The following TTC12 variants were observed in gnomAD, a reference collection of about 807,000 sequenced individuals.
The protein encoded by TTC12 is tetratricopeptide repeat protein 12.
A neutral mutation model predicts 90.1 loss-of-function variants in TTC12; 70 were observed. That is an observed-to-expected ratio of 0.78 (90% CI 0.64 to 0.95). The LOEUF (loss-of-function observed/expected upper bound fraction) is 0.95. Among genes scored for constraint, TTC12 ranks in the 40% least tolerant of loss-of-function variants. The pLI, the probability that TTC12 is intolerant of heterozygous loss-of-function variation, is 0.00. For missense variants in TTC12, 819 were observed against 846.1 expected, an observed-to-expected ratio of 0.97 and a Z score of 0.40; for synonymous variants, 296 against 311.5, an observed-to-expected ratio of 0.95 and a Z score of 0.53.
At position 113,339,292 on chromosome 11, in the gene TTC12, T is replaced by C. The variant is rs1555145163; in HGVS notation, c.644T>C (p.Leu215Pro). ...TCCTTTCTTGTTTTTCTAGGTTACCTGAATCAAGTAGATCTTCAGGAAAAA... is the reference window on the plus strand; with the variant it reads ...TCCTTTCTTGTTTTTCTAGGTTACCCGAATCAAGTAGATCTTCAGGAAAAA... ...PKLQTQVKGY[L>P]NQVDLQEKAD... is the part of the protein sequence containing the mutation. Residue 215 changes from leucine to proline, a missense_variant, in exon 10 of 22, where the codon CTG becomes CCG. Leu to Pro is a moderately conservative substitution (Grantham distance 98). Transcript: ENST00000529221. 1.9e-6 allele frequency: 3 copies of C among 1,601,520 alleles called. No individual in the cohort carries two copies. The South Asian group carries it at 3.3e-5, about 18-fold the overall frequency.
In TTC12 at chr11:113,325,596, G is replaced by T. The variant is rs376290021; in HGVS notation, c.395G>T (p.Gly132Val). 1 of 1,614,006 alleles carries T rather than the reference G, an allele frequency of 6.2e-7. No individual in the cohort carries two copies. Among genetic ancestry groups the T allele is most frequent in the Non-Finnish European group, 8.5e-7 (1 of 1,179,874 alleles). Reference sequence around the variant, plus strand: ...ACAGCTATCCTGCGCTACAGTGAGGGTTTGGAGAAGCTGAAGGACATGAAA... The same window carrying T: ...ACAGCTATCCTGCGCTACAGTGAGGTTTTGGAGAAGCTGAAGGACATGAAA... ...YETAILRYSE[G>V]LEKLKDMKVL... Residue 132 changes from glycine (G) to valine (V), a missense_variant, in exon 6 of 22, where the codon GGT becomes GTT. Coordinates refer to ENST00000529221, the MANE Select transcript of TTC12 (RefSeq NM_017868.4).
chr11:113,359,438 C>G lies in TTC12; in HGVS notation c.1522C>G (p.Leu508Val), dbSNP rs1413166533. 6.2e-7 allele frequency: 1 copy of G among 1,612,928 alleles called. No homozygotes were observed. The highest frequency in any genetic ancestry group is 8.5e-7 in the Non-Finnish European group (1 of 1,179,068). ...CCTGGGACTCATGATGAACCTGTGT[C>G]TTCAGGCTCCCTTTGTCTCTGAGGT... ...TLLGLMMNLCLQAPFVSEVWA... is the reference protein window; with the variant it reads ...TLLGLMMNLCVQAPFVSEVWA... Residue 508 changes from leucine (L) to valine (V), a missense_variant, in exon 17 of 22, where the codon CTT (leucine) becomes GTT (valine). Coordinates refer to ENST00000529221, the MANE Select transcript of TTC12 (RefSeq NM_017868.4).
chr11:113,319,785 G>T (rs1371485007), intron 2 of TTC12, among the ~76,000 whole-genome samples: 3 of 152,058 alleles, frequency 2.0e-5, no homozygotes, highest in Non-Finnish European at 2.9e-5. Context: ...GACAATCAGG[G>T]GAAAGGAATG....
chr11:113,324,685 A>T lies in TTC12; in HGVS notation c.322+3A>T. 6.2e-7 allele frequency: 1 copy of T among 1,613,330 alleles called. No individual in the cohort carries two copies. Among genetic ancestry groups the T allele is most frequent in the Non-Finnish European group, 8.5e-7 (1 of 1,179,486 alleles). ...GGAAAACAAAGTCTTGGCGGATGGT[A>T]ATTGTCAGTCCTTACTTTTCAATGG... On this transcript the variant is annotated splice_donor_region_variant and intron_variant, in intron 5 of 21. Transcript: ENST00000529221.
chr11:113,325,174 G>A (rs1555140506), intron 5 of TTC12, among the ~76,000 whole-genome samples: 2 of 152,234 alleles, frequency 1.3e-5, no homozygotes, highest in East Asian at 3.9e-4. Flanking sequence ...TGTGCTGCAG[G>A]TCTGAATGAT....
downstream of TTC12, chr11:113,368,691 G>T (rs1410756979): frequency 3.3e-6 from 2 of 609,640 alleles, no homozygotes; most frequent in African/African-American, 1.8e-5. Flanking sequence ...ATAGGAAGGG[G>T]CTGAGATGCT....
intron 6 of TTC12, among the ~76,000 whole-genome samples, chr11:113,328,948 T>C (rs1298143938): frequency 6.6e-6 from 1 of 152,236 alleles, no homozygotes; most frequent in Non-Finnish European, 1.5e-5. Flanking sequence ...CATGTTATAG[T>C]ATGTATCAAC....
intron 6 of TTC12, among the ~76,000 whole-genome samples, chr11:113,328,949 A>G (rs1947860424): frequency 6.6e-6 from 1 of 152,180 alleles, no homozygotes; most frequent in African/African-American, 2.4e-5. Flanking sequence ...ATGTTATAGT[A>G]TGTATCAACT....
chr11:113,320,450 A>G (rs1255383956), intron 2 of TTC12, among the ~76,000 whole-genome samples: 2 of 152,128 alleles, frequency 1.3e-5, no homozygotes, highest in Non-Finnish European at 2.9e-5. Context: ...GGGAGCAGCC[A>G]GAGGGGAGTT....
chr11:113,348,820 C>A (rs1949111070), intron 13 of TTC12, among the ~76,000 whole-genome samples: 1 of 152,214 alleles, frequency 6.6e-6, no homozygotes, highest in Admixed American at 6.5e-5. Flanking sequence ...ACAGACTTTC[C>A]AGCAGGCCCT....
chr11:113,328,092 A>T (rs1035289924), intron 6 of TTC12, among the ~76,000 whole-genome samples: 3 of 152,174 alleles, frequency 2.0e-5, no homozygotes, highest in African/African-American at 7.2e-5. Flanking sequence ...GCCCTGGTAC[A>T]GTTTTGATCA....
rs537507873 is a variant in TTC12 at position 113,362,423 on chromosome 11, G to A, written c.1637G>A (p.Arg546Gln). 6.7e-5 allele frequency: 108 copies of A among 1,613,764 alleles called. 2 individuals are homozygous for A. In the South Asian group the frequency reaches 8.9e-4, roughly 13 times the overall value. ...ILTRAAGVLS[R>Q]TLSSSLKIVE... ...CAGAGAGCTGCTGGTGTTCTGAGCC[G>A]GACCCTTTCTTCCTCTCTGAAAATT... Residue 546 changes from arginine to glutamine, a missense_variant, in exon 19 of 22, where the codon CGG becomes CAG. By Grantham distance (43) the Arg-to-Gln change is conservative. Transcript: ENST00000529221.
intron 11 of TTC12, among the ~76,000 whole-genome samples, chr11:113,341,213 C>G (rs2137996518): frequency 6.6e-6 from 1 of 152,238 alleles, no homozygotes. Context: ...CTAGGCGATA[C>G]AACCAGATTC....
intron 20 of TTC12, chr11:113,364,380 A>T: frequency 4.4e-6 from 1 of 228,528 alleles, no homozygotes; most frequent in Non-Finnish European, 8.7e-6. Context: ...AACTCCCTGG[A>T]ATGCACAGAA....
In TTC12 at chr11:113,362,508, A is replaced by G; in HGVS notation, c.1716+6A>G. The G allele has an allele frequency of 1.9e-6, 3 of 1,583,494 alleles. No homozygotes were observed. The highest frequency in any genetic ancestry group is 2.6e-6 in the Non-Finnish European group (3 of 1,152,094). ...AAATGATGAAATTCCTGAAGGTAAG[A>G]TCACTTTATTGGTTACAACCCCTGA... On this transcript the variant is annotated splice_donor_region_variant and intron_variant, in intron 19 of 21. Transcript: ENST00000529221.
At chr11:113,330,252 A>G (rs553971339) in intron 7 of TTC12, among the ~76,000 whole-genome samples, 2 of 152,328 alleles carry the variant, frequency 1.3e-5, no homozygotes, top group Admixed American at 1.3e-4. Flanking sequence ...GTTATCAGAC[A>G]CTTGGTTCTA....
chr11:113,373,225 T>C, exon 22 of TTC12: 1 of 985,438 alleles, frequency 1.0e-6, no homozygotes, highest in Non-Finnish European at 1.2e-6. Context: ...ACCCATGCGA[T>C]TCATCCTTTC....
intron 13 of TTC12, among the ~76,000 whole-genome samples, chr11:113,349,429 G>A (rs1421999816): frequency 7.2e-5 from 11 of 152,198 alleles, no homozygotes; most frequent in Admixed American, 5.9e-4. Flanking sequence ...CAGTAAGTCC[G>A]TTTGGGCAGC....
At chr11:113,330,043 A>G (rs1341239268) in intron 7 of TTC12, 64 bp downstream of exon 7, 4 of 1,299,508 alleles carry the variant, frequency 3.1e-6, no homozygotes. Context: ...GGCAGCTGCC[A>G]GTGTATCAAG....
Sources: gnomAD v4.1 joint callset for allele counts (sites outside exome capture counted in the v4.1 genomes callset) on GRCh38, gnomAD v4.1.1 for gene constraint, MANE v1.5 for transcripts, NCBI Gene and HGNC (gene_info 2026-07-23, HGNC 2026-07-21) for gene names.